Variants in SPOCK3 observed in about 807,000 individuals in gnomAD.
SPOCK3 encodes the protein testican-3.
A neutral mutation model predicts 56.6 loss-of-function variants in SPOCK3; 30 were observed. That is an observed-to-expected ratio of 0.53 (90% CI 0.40 to 0.72). The LOEUF is 0.72. Among genes scored for constraint, SPOCK3 ranks in the 30% least tolerant of loss-of-function variants. The pLI is 0.00. For synonymous variants in SPOCK3, 196 were observed against 183.3 expected (o/e 1.07, Z -0.56); for missense variants, 527 against 530.0 (o/e 0.99, Z 0.06).
At chr4:167,127,031 C>G (rs763227370) in intron 2 of SPOCK3, among the ~76,000 whole-genome samples, 1 of 152,040 alleles carries the variant, frequency 6.6e-6, no homozygotes. Flanking sequence ...ATGAATGGCT[C>G]GGACCATTAT....
At chr4:166,947,854 G>T (rs1043353175) in intron 4 of SPOCK3, among the ~76,000 whole-genome samples, 12 of 152,044 alleles carry the variant, frequency 7.9e-5, no homozygotes, top group Admixed American at 2.0e-4. Context: ...ATATTTATTG[G>T]TTTTTTGTTT....
chr4:166,853,524 C>G (rs925655571), intron 6 of SPOCK3, among the ~76,000 whole-genome samples: 4 of 152,086 alleles, frequency 2.6e-5, no homozygotes, highest in Admixed American at 2.0e-4. Flanking sequence ...CATTAAAACT[C>G]TCTCTCAATT....
chr4:167,136,613 T>C (rs1763141062), intron 2 of SPOCK3, among the ~76,000 whole-genome samples: 1 of 152,300 alleles, frequency 6.6e-6, no homozygotes. Flanking sequence ...TGTTGCAGTT[T>C]ATTTTTTATG....
chr4:166,931,370 G>A (rs1388912745), intron 4 of SPOCK3, among the ~76,000 whole-genome samples: 3 of 151,956 alleles, frequency 2.0e-5, no homozygotes, highest in African/African-American at 7.3e-5. Context: ...GTTGCTTTTA[G>A]CCCTGCAATT....
chr4:166,977,379 G>T (rs35142952), intron 4 of SPOCK3, among the ~76,000 whole-genome samples: 1 of 151,996 alleles, frequency 6.6e-6, no homozygotes, highest in Non-Finnish European at 1.5e-5. Flanking sequence ...TGTATAAAGA[G>T]TTGTAAATCT....
At chr4:166,769,045 T>C (rs1738546204) in intron 7 of SPOCK3, among the ~76,000 whole-genome samples, 1 of 152,206 alleles carries the variant, frequency 6.6e-6, no homozygotes, top group South Asian at 2.1e-4. Context: ...TATCAGGTGA[T>C]TTAAGGACTT....
intron 6 of SPOCK3, among the ~76,000 whole-genome samples, chr4:166,826,516 T>C (rs188900242): frequency 6.6e-6 from 1 of 152,244 alleles, no homozygotes; most frequent in East Asian, 1.9e-4. Context: ...GCCAAACTAG[T>C]TGTTCTGACT....
intron 3 of SPOCK3, among the ~76,000 whole-genome samples, chr4:167,036,310 T>TA (rs970893135): frequency 1.4e-4 from 22 of 152,282 alleles, no homozygotes; most frequent in African/African-American, 5.1e-4. Flanking sequence ...CTATATGAAG[T>TA]AAAAAAACAC....
chr4:166,847,681 A>ATATATATATATATATATATATATATATAT (rs1560926812), intron 6 of SPOCK3, among the ~76,000 whole-genome samples: 1 of 91,226 alleles, frequency 1.1e-5, no homozygotes, highest in Non-Finnish European at 2.1e-5. Flanking sequence ...ATATATATAT[A>ATATATATATATATATATATATATATATAT]AGAATCATGT....
chr4:166,854,524 A>G (rs1032567654), intron 6 of SPOCK3, among the ~76,000 whole-genome samples: 3 of 152,342 alleles, frequency 2.0e-5, no homozygotes, highest in African/African-American at 7.2e-5. Flanking sequence ...ATCATCAGCT[A>G]TAATTCATCT....
At chr4:167,146,397 A>C (rs1218698598) in intron 2 of SPOCK3, among the ~76,000 whole-genome samples, 9 of 152,148 alleles carry the variant, frequency 5.9e-5, no homozygotes, top group Admixed American at 1.3e-4. Flanking sequence ...TATTAGACAG[A>C]TCAACGAGAC....
intron 6 of SPOCK3, among the ~76,000 whole-genome samples, chr4:166,868,886 T>C (rs1354021697): frequency 6.6e-6 from 1 of 152,168 alleles, no homozygotes; most frequent in Admixed American, 6.6e-5. Context: ...TTCTATGCTA[T>C]GATGTACTAG....
At chr4:166,871,505 A>G (rs1428633217) in intron 6 of SPOCK3, among the ~76,000 whole-genome samples, 1 of 152,132 alleles carries the variant, frequency 6.6e-6, no homozygotes, top group Non-Finnish European at 1.5e-5. Context: ...AACTCTTTTA[A>G]GGAGCAATAC....
intron 6 of SPOCK3, among the ~76,000 whole-genome samples, chr4:166,821,303 A>T (rs1278150671): frequency 1.3e-5 from 2 of 152,078 alleles, no homozygotes; most frequent in East Asian, 3.9e-4. Context: ...GGAGCATACA[A>T]AGTGTTGTCA....
intron 6 of SPOCK3, among the ~76,000 whole-genome samples, chr4:166,824,593 A>G (rs189673642): frequency 6.6e-6 from 1 of 152,136 alleles, no homozygotes; most frequent in Non-Finnish European, 1.5e-5. Flanking sequence ...AAATAAAGAC[A>G]TGAGGAAGAA....
chr4:166,889,057 GACA>G (rs1468158035), intron 6 of SPOCK3, 70 bp downstream of exon 6: 13 of 889,612 alleles, frequency 1.5e-5, no homozygotes, highest in African/African-American at 6.8e-5. Flanking sequence ...TGTATTTAAT[GACA>G]ACATCTATTG....
intron 5 of SPOCK3, among the ~76,000 whole-genome samples, chr4:166,901,648 G>A (rs1331901459): frequency 2.0e-5 from 3 of 152,092 alleles, no homozygotes; most frequent in African/African-American, 7.2e-5. Flanking sequence ...AATCACTAGT[G>A]TATCCTGCTG....
chr4:167,010,268 C>T (rs930722411), intron 3 of SPOCK3, among the ~76,000 whole-genome samples: 1 of 152,034 alleles, frequency 6.6e-6, no homozygotes. Context: ...TACCTGTTAT[C>T]CCAGCACTTT....
intron 5 of SPOCK3, among the ~76,000 whole-genome samples, chr4:166,911,391 A>G (rs1737248808): frequency 1.3e-5 from 2 of 152,178 alleles, no homozygotes; most frequent in South Asian, 4.1e-4. Flanking sequence ...CAAAACCAAA[A>G]CATATAAAAG....
Sources: gnomAD v4.1 joint callset for allele counts (sites outside exome capture counted in the v4.1 genomes callset) on GRCh38, gnomAD v4.1.1 for gene constraint, MANE v1.5 for transcripts, NCBI Gene and HGNC (gene_info 2026-07-23, HGNC 2026-07-21) for gene names.